Variants in NCBP3 observed in about 807,000 individuals in gnomAD.
NCBP3 encodes nuclear cap-binding protein subunit 3.
In NCBP3, 20 loss-of-function variants were observed where a neutral mutation model predicts 75.7. The ratio of observed to expected loss-of-function variants is 0.26; its 90% confidence interval spans 0.19 to 0.38. The LOEUF is 0.38. NCBP3 is among the 10% of genes least tolerant of loss of function. The pLI is 1.00. For synonymous variants in NCBP3, 293 were observed against 290.5 expected (o/e 1.01, Z -0.09); for missense variants, 678 against 796.9 (o/e 0.85, Z 1.80).
At position 3,825,040 on chromosome 17, in the gene NCBP3, A is replaced by G. The variant is rs1229926429; in HGVS notation, c.698T>C (p.Leu233Ser). ...CAAAGACTCCTCTTCTACCTGAGAC[A>G]ACGTATCCAACTTAAGAAAGAAGAG... ...ENSSDVELDT[L>S]SQVEEESLLR... Residue 233 changes from leucine to serine, a missense_variant, in exon 7 of 13, where the codon TTG becomes TCG. Leu to Ser is a moderately radical substitution (Grantham distance 145). Transcript: ENST00000389005. The G allele has an allele frequency of 1.3e-6, 2 of 1,511,670 alleles. No individual in the cohort carries two copies. Among genetic ancestry groups the G allele is most frequent in the Admixed American group, 2.1e-5 (1 of 46,884 alleles). The allele number at this position is 1,511,670 out of a possible 1,614,324, so 93.6% of individuals were successfully genotyped here. A position where few individuals can be genotyped will look rare whatever the true frequency, so the allele number is the denominator to read the frequency against.
intron 12 of NCBP3, among the ~76,000 whole-genome samples, chr17:3,814,087 T>C (rs2053478773): frequency 6.6e-6 from 1 of 152,230 alleles, no homozygotes; most frequent in South Asian, 2.1e-4. Flanking sequence ...TAAAAAGATT[T>C]GTGCCAAACA....
At position 3,829,357 on chromosome 17, in the gene NCBP3, C is replaced by A; in HGVS notation, c.367G>T (p.Val123Leu). Residue 123 changes from valine to leucine, a missense_variant, in exon 4 of 13, where the codon GTG (valine) becomes TTG (leucine). Val to Leu is a conservative substitution (Grantham distance 32). Transcript: ENST00000389005. ...RDMMKKAIPK[V>L]RLETIYICGV... ...CAAATATAGATTGTCTCCAGTCTCA[C>A]CTTGGGGATTGCTAGAAAGACAAGA... 1 of 1,551,786 alleles carries A rather than the reference C, an allele frequency of 6.4e-7. No individual in the cohort carries two copies. Among genetic ancestry groups the A allele is most frequent in the Non-Finnish European group, 8.7e-7 (1 of 1,146,920 alleles).
intron 6 of NCBP3, among the ~76,000 whole-genome samples, chr17:3,825,465 A>G (rs1404360367): frequency 6.6e-6 from 1 of 152,270 alleles, no homozygotes; most frequent in Non-Finnish European, 1.5e-5. Flanking sequence ...ACAACAGTAC[A>G]TAATCCATTA....
At position 3,814,373 on chromosome 17, in the gene NCBP3, G is replaced by C. The variant is rs758366075; in HGVS notation, c.1576C>G (p.Pro526Ala). Residue 526 changes from proline (P) to alanine (A), a missense_variant, in exon 12 of 13, where the codon CCC becomes GCC. Coordinates refer to ENST00000389005, the MANE Select transcript of NCBP3 (RefSeq NM_001114118.3). ...SSDVHSRLGVPRQDSKGLYAD... is the reference protein window; with the variant it reads ...SSDVHSRLGVARQDSKGLYAD... ...TAGAGGCCTTTACTATCCTGCCTGG[G>C]AACACCTAGCCTACTATGCACATCA... is the stretch of plus-strand genomic sequence containing the variant. 5.0e-6 allele frequency: 8 copies of C among 1,614,002 alleles called. No individual in the cohort carries two copies. The highest frequency in any genetic ancestry group is 6.8e-6 in the Non-Finnish European group (8 of 1,180,022).
chr17:3,814,244 G>C (rs1224006489), intron 12 of NCBP3, 78 bp downstream of exon 12: 50 of 1,464,030 alleles, frequency 3.4e-5, no homozygotes, highest in Non-Finnish European at 4.5e-5. Context: ...CTTCTGCTAA[G>C]AAAGTATTTC....
intron 12 of NCBP3, among the ~76,000 whole-genome samples, chr17:3,814,025 GA>G (rs2053477298): frequency 6.6e-6 from 1 of 152,148 alleles, no homozygotes; most frequent in Non-Finnish European, 1.5e-5. Context: ...AATGCTGTAT[GA>G]AAAAACTAGG....
chr17:3,846,015 C>T lies in NCBP3; in HGVS notation c.183+26G>A. 2 of 1,542,142 alleles carry T rather than the reference C, an allele frequency of 1.3e-6. No homozygotes were observed. Among genetic ancestry groups the T allele is most frequent in the Non-Finnish European group, 1.8e-6 (2 of 1,142,710 alleles). On this transcript the variant is annotated intron_variant, in intron 1 of 12. Transcript: ENST00000389005. The surrounding 1 kb of genome is among the most constrained non-coding windows in gnomAD (Gnocchi z 4.6). Reference sequence around the variant, plus strand: ...CTAGACACTAGCCCCGCGACCTCTTCCTTACCCCCCGACCCCCGCCCGTAC... The same window carrying T: ...CTAGACACTAGCCCCGCGACCTCTTTCTTACCCCCCGACCCCCGCCCGTAC...
At position 3,846,088 on chromosome 17, in the gene NCBP3, C is replaced by G. The variant is rs1280860783; in HGVS notation, c.136G>C (p.Glu46Gln). The G allele has an allele frequency of 6.5e-7, 1 of 1,549,306 alleles. No individual in the cohort carries two copies. The highest frequency in any genetic ancestry group is 2.0e-5 in the Admixed American group (1 of 50,928). Residue 46 changes from glutamate to glutamine, a missense_variant, in exon 1 of 13, where the codon GAG becomes CAG. Around this residue, in one of 7 missense-constraint regions of NCBP3, gnomAD observed 46 missense variants for 82.8 expected, o/e 0.56. Coordinates refer to ENST00000389005, the MANE Select transcript of NCBP3 (RefSeq NM_001114118.3). This position sits in a 1 kb window ranked among gnomAD's most constrained non-coding sequence, Gnocchi z 4.6. Reference protein sequence around the residue: ...EPEPMEVEEGELEIVPVRRSL... With the variant: ...EPEPMEVEEGQLEIVPVRRSL... Reference sequence around the variant, plus strand: ...CGCCGCACAGGCACGATTTCCAGCTCGCCCTCCTCCACCTCCATGGGCTCC... The same window carrying G: ...CGCCGCACAGGCACGATTTCCAGCTGGCCCTCCTCCACCTCCATGGGCTCC...
intron 2 of NCBP3, among the ~76,000 whole-genome samples, 160 bp downstream of exon 2, chr17:3,842,926 G>A (rs551088301): frequency 1.3e-5 from 2 of 152,194 alleles, no homozygotes; most frequent in East Asian, 3.9e-4. Context: ...TTACAGGCAT[G>A]AGCCAGCGTG....
chr17:3,826,736 TGAAA>T (rs2053793110), intron 4 of NCBP3, among the ~76,000 whole-genome samples: 2 of 123,250 alleles, frequency 1.6e-5, no homozygotes, highest in African/African-American at 3.5e-5. Context: ...GAGAGAGAGA[TGAAA>T]GAAAGAAAAA....
At chr17:3,837,813 A>AGAT in intron 3 of NCBP3, among the ~76,000 whole-genome samples, 1 of 151,872 alleles carries the variant, frequency 6.6e-6, no homozygotes, top group Non-Finnish European at 1.5e-5. Context: ...AAGTGGTCTG[A>AGAT]GATGGGCAGC....
Position 3,812,913 on chromosome 17 carries a change from G to C in NCBP3, c.*131C>G. 6.7e-6 allele frequency: 10 copies of C among 1,487,042 alleles called. No homozygotes were observed. The highest frequency in any genetic ancestry group is 8.9e-6 in the Non-Finnish European group (10 of 1,122,736). The allele number at this position is 1,487,042 out of a possible 1,614,324, so 92.1% of individuals were successfully genotyped here. A position where few individuals can be genotyped will look rare whatever the true frequency, so the allele number is the denominator to read the frequency against. The stretch of plus-strand genomic sequence containing the variant: ...ATTCTTAAGATGTCTTGCCGAAGTA[G>C]CAAGAGCGGAGGGTGACTGTGTGAG... On this transcript the variant is annotated 3_prime_UTR_variant, in exon 13 of 13. Coordinates refer to ENST00000389005, the MANE Select transcript of NCBP3 (RefSeq NM_001114118.3).
chr17:3,829,467 AGAAAGAAACATGCT>A, intron 3 of NCBP3, 99 bp from the exon 4 acceptor site: 1 of 1,279,242 alleles, frequency 7.8e-7, no homozygotes, highest in Non-Finnish European at 1.1e-6. Flanking sequence ...ACACGAGTTT[AGAAAGAAACATGCT>A]GAGAGAAACT....
Position 3,816,627 on chromosome 17 carries a change from A to C in NCBP3, c.1311-357T>G, listed in dbSNP as rs541537466. ...TGTGATGTGGCTGTAGTCAACACACAGTATAGTCTACAGTCTCTCTCTTTA... is the reference window on the plus strand; with the variant it reads ...TGTGATGTGGCTGTAGTCAACACACCGTATAGTCTACAGTCTCTCTCTTTA... On this transcript the variant is annotated intron_variant, in intron 10 of 12. Transcript: ENST00000389005. 5.4e-4 allele frequency among the ~76,000 whole-genome samples: 82 copies of C among 152,360 alleles called. 2 individuals are homozygous for C. In the South Asian group the frequency reaches 0.016, roughly 29 times the overall value.
rs1386073957 is a variant in NCBP3 at position 3,826,105 on chromosome 17, C to T, written c.592G>A (p.Ala198Thr). The stretch of plus-strand genomic sequence containing the variant: ...TTGTTACCTTTTTTCCTTTTCTCAG[C>T]TGACTTGTCCTCACTGGCATCCCTG... ...RSRDASEDKSAEKRKKDKQED... is the reference protein window; with the variant it reads ...RSRDASEDKSTEKRKKDKQED... Residue 198 changes from alanine to threonine, a missense_variant, in exon 5 of 13, where the codon GCT becomes ACT. Physicochemically the swap from Ala to Thr is moderately conservative, Grantham distance 58 (BLOSUM62 0). This residue lies in a region of NCBP3 where 98 missense variants were observed against 101.8 expected (regional missense o/e 0.96). Transcript: ENST00000389005. 2.6e-6 allele frequency: 4 copies of T among 1,551,256 alleles called. No individual in the cohort carries two copies. Among genetic ancestry groups the T allele is most frequent in the Non-Finnish European group, 3.5e-6 (4 of 1,146,856 alleles).
intron 5 of NCBP3, 88 bp downstream of exon 5, chr17:3,825,999 A>G (rs2053776542): frequency 2.7e-6 from 4 of 1,477,222 alleles, no homozygotes; most frequent in Non-Finnish European, 3.6e-6. Flanking sequence ...ACACTTGGTG[A>G]TGAGATGCTA....
intron 7 of NCBP3, among the ~76,000 whole-genome samples, chr17:3,823,279 C>A (rs1000450715): frequency 2.0e-5 from 3 of 151,964 alleles, no homozygotes; most frequent in Admixed American, 6.6e-5. Flanking sequence ...AGGGAGGCAG[C>A]GGTTGCAGTG....
At chr17:3,832,989 C>T (rs1045906252) in intron 3 of NCBP3, among the ~76,000 whole-genome samples, 3 of 152,132 alleles carry the variant, frequency 2.0e-5, no homozygotes, top group African/African-American at 4.8e-5. Flanking sequence ...GTGGCTCATG[C>T]GTGTAATCCC....
intron 7 of NCBP3, among the ~76,000 whole-genome samples, chr17:3,823,433 A>G (rs2053709419): frequency 6.6e-6 from 1 of 152,218 alleles, no homozygotes; most frequent in Non-Finnish European, 1.5e-5. Flanking sequence ...AAACTGATGT[A>G]AATAAACAAA....
Sources: gnomAD v4.1 joint callset for allele counts (sites outside exome capture counted in the v4.1 genomes callset) on GRCh38, gnomAD v4.1.1 for gene constraint, gnomAD v4.1.1 regional missense constraint, Gnocchi (gnomAD v3.1) non-coding constraint, MANE v1.5 for transcripts, NCBI Gene and HGNC (gene_info 2026-07-23, HGNC 2026-07-21) for gene names.